The following DPP10 variants were observed in gnomAD, a reference collection of about 807,000 sequenced individuals.
DPP10 encodes inactive dipeptidyl peptidase 10.
In DPP10, 33 loss-of-function variants were observed where a neutral mutation model predicts 120.9. The ratio of observed to expected loss-of-function variants is 0.27; its 90% CI spans 0.21 to 0.37. The LOEUF (loss-of-function observed/expected upper bound fraction) is 0.37. DPP10 is among the 10% of genes least tolerant of loss of function. The pLI is 1.00. For synonymous variants in DPP10, 337 were observed against 326.1 expected (o/e 1.03, Z -0.36); for missense variants, 816 against 942.8 (o/e 0.87, Z 1.76).
intron 1 of DPP10, among the ~76,000 whole-genome samples, chr2:115,032,192 G>GC (rs1553474501): frequency 9.3e-5 from 14 of 150,452 alleles, no homozygotes; most frequent in Non-Finnish European, 1.8e-4. Flanking sequence ...AACTCTAGAA[G>GC]TTTTTTTTTT....
At chr2:114,802,021 T>C (rs750147349) in intron 1 of DPP10, among the ~76,000 whole-genome samples, 1 of 152,222 alleles carries the variant, frequency 6.6e-6, no homozygotes, top group Non-Finnish European at 1.5e-5. Flanking sequence ...CTAATTCTAA[T>C]TATTAATATG....
At chr2:114,494,979 T>A (rs1682378425) in intron 1 of DPP10, among the ~76,000 whole-genome samples, 1 of 152,010 alleles carries the variant, frequency 6.6e-6, no homozygotes, top group Non-Finnish European at 1.5e-5. Flanking sequence ...TGTGGAGAAG[T>A]TTTCTATCAG....
At chr2:114,741,989 A>G (rs1678112001) in intron 1 of DPP10, among the ~76,000 whole-genome samples, 1 of 152,202 alleles carries the variant, frequency 6.6e-6, no homozygotes. Context: ...CTAACACCAC[A>G]AGGAGTCAAC....
chr2:115,717,361 C>G (rs552029800), intron 7 of DPP10, among the ~76,000 whole-genome samples: 1 of 152,002 alleles, frequency 6.6e-6, no homozygotes, highest in East Asian at 1.9e-4. Flanking sequence ...CACATGTACC[C>G]TAAAACTTAA....
chr2:115,564,765 T>C (rs2080896116), intron 5 of DPP10, among the ~76,000 whole-genome samples: 3 of 152,206 alleles, frequency 2.0e-5, no homozygotes, highest in African/African-American at 7.2e-5. Flanking sequence ...ACATTAAAAA[T>C]ATTGACATTT....
At chr2:115,390,265 C>G (rs1304338923) in intron 3 of DPP10, among the ~76,000 whole-genome samples, 2 of 152,170 alleles carry the variant, frequency 1.3e-5, no homozygotes, top group African/African-American at 4.8e-5. Flanking sequence ...AAACACCATG[C>G]TGAAATATAA....
chr2:114,545,454 C>G (rs572692346), intron 1 of DPP10, among the ~76,000 whole-genome samples: 1 of 152,230 alleles, frequency 6.6e-6, no homozygotes, highest in Admixed American at 6.5e-5. Flanking sequence ...CAAGGTTACC[C>G]CAGGTCACTG....
intron 1 of DPP10, among the ~76,000 whole-genome samples, chr2:114,737,549 G>C (rs1488358738): frequency 1.3e-5 from 2 of 152,246 alleles, no homozygotes; most frequent in Non-Finnish European, 2.9e-5. Flanking sequence ...ACAGTGGAGA[G>C]ATTGAATCAA....
chr2:115,340,436 G>T (rs937073299), intron 2 of DPP10, among the ~76,000 whole-genome samples: 1 of 151,936 alleles, frequency 6.6e-6, no homozygotes, highest in Admixed American at 6.6e-5. Context: ...TGAATGAAAA[G>T]CCTTAATATT....
intron 1 of DPP10, among the ~76,000 whole-genome samples, chr2:115,021,977 C>T (rs1703107984): frequency 6.6e-6 from 1 of 151,882 alleles, no homozygotes; most frequent in African/African-American, 2.4e-5. Flanking sequence ...TGATTAAAAC[C>T]CTCAGCAAAA....
chr2:114,978,697 T>A (rs1174970773), intron 1 of DPP10, among the ~76,000 whole-genome samples: 1 of 152,132 alleles, frequency 6.6e-6, no homozygotes, highest in Non-Finnish European at 1.5e-5. Context: ...ACCCTTTAAA[T>A]AGGAGTTGGG....
intron 5 of DPP10, among the ~76,000 whole-genome samples, chr2:115,604,448 C>T (rs1558914286): frequency 6.6e-6 from 1 of 152,160 alleles, no homozygotes; most frequent in Non-Finnish European, 1.5e-5. Context: ...CAGAGGAATG[C>T]TCTCAACCTG....
intron 8 of DPP10, among the ~76,000 whole-genome samples, chr2:115,728,875 G>A (rs13033400): frequency 0.29 from 44,570 of 151,922 alleles, 6,801 homozygotes; most frequent in Middle Eastern, 0.44. Context: ...CTAATAAACC[G>A]TATATTTACG....
chr2:115,187,627 A>G (rs2054558087), intron 1 of DPP10, among the ~76,000 whole-genome samples: 1 of 152,148 alleles, frequency 6.6e-6, no homozygotes. Context: ...GAACTTCCAG[A>G]GAGAGCTGGA....
intron 5 of DPP10, among the ~76,000 whole-genome samples, chr2:115,547,712 CTG>C (rs763435069): frequency 2.7e-5 from 4 of 150,222 alleles, no homozygotes; most frequent in Non-Finnish European, 5.9e-5. Flanking sequence ...CTACAATAAA[CTG>C]TGATTACGCC....
At chr2:114,929,652 T>C (rs898087022) in intron 1 of DPP10, among the ~76,000 whole-genome samples, 3 of 152,216 alleles carry the variant, frequency 2.0e-5, no homozygotes, top group Non-Finnish European at 4.4e-5. Flanking sequence ...TGTTCTTTTT[T>C]AGGATGCCCA....
chr2:115,184,268 T>C (rs1053501045), intron 1 of DPP10, among the ~76,000 whole-genome samples: 3 of 152,188 alleles, frequency 2.0e-5, no homozygotes, highest in African/African-American at 7.2e-5. Context: ...ATTATTATTA[T>C]TTCTTCACTA....
intron 5 of DPP10, among the ~76,000 whole-genome samples, chr2:115,633,577 TA>T (rs1280759242): frequency 8.6e-5 from 13 of 151,214 alleles, no homozygotes; most frequent in African/African-American, 1.2e-4. Context: ...ACTTAAAGTA[TA>T]AAAAAAAAGA....
intron 2 of DPP10, among the ~76,000 whole-genome samples, chr2:115,334,089 A>G (rs1385274650): frequency 6.6e-6 from 1 of 151,734 alleles, no homozygotes; most frequent in Non-Finnish European, 1.5e-5. Context: ...TATCCGGGAG[A>G]ACTTCCCCAA....
Sources: allele counts gnomAD v4.1 joint callset (sites outside exome capture counted in the v4.1 genomes callset), GRCh38; gene constraint gnomAD v4.1.1; transcripts MANE v1.5; gene names NCBI Gene and HGNC (gene_info 2026-07-23, HGNC 2026-07-21).